The following NTRK2 variants were observed in gnomAD, a reference collection of about 807,000 sequenced individuals.
NTRK2 encodes the protein BDNF/NT-3 growth factors receptor.
NTRK2 carries 13 observed loss-of-function variants against 94.5 expected under a neutral mutation model. The observed-to-expected ratio is 0.14, with a 90% confidence interval of 0.09 to 0.22. The LOEUF (loss-of-function observed/expected upper bound fraction) is 0.22. Ranked by LOEUF, NTRK2 falls within the 10% of genes least tolerant of loss-of-function variation. The pLI is 1.00. For missense variants in NTRK2, 639 were observed against 1,071.2 expected (o/e 0.60, Z 5.63); for synonymous variants, 372 against 407.4 (o/e 0.91, Z 1.05).
chr9:84,946,588 G>T (rs2078606184), intron 15 of NTRK2, among the ~76,000 whole-genome samples: 1 of 152,188 alleles, frequency 6.6e-6, no homozygotes. Context: ...ATGAGGGGTG[G>T]TCAGGGAACA....
At chr9:84,846,917 G>A (rs1217658496) in intron 12 of NTRK2, among the ~76,000 whole-genome samples, 1 of 152,202 alleles carries the variant, frequency 6.6e-6, no homozygotes, top group Non-Finnish European at 1.5e-5. Flanking sequence ...GGGAAAATGA[G>A]AGAAGGCTAA....
chr9:84,802,601 G>A (rs1020699016), intron 12 of NTRK2, among the ~76,000 whole-genome samples: 1 of 152,208 alleles, frequency 6.6e-6, no homozygotes, highest in African/African-American at 2.4e-5. Context: ...GACAGCAGAG[G>A]CTTCTAGAAC....
rs2131374594 is a variant in NTRK2 at position 84,679,311 on chromosome 9, A to G, written c.212+8351A>G. 2.0e-5 allele frequency among the ~76,000 whole-genome samples: 3 copies of G among 152,264 alleles called. No homozygotes were observed. In the South Asian group the frequency reaches 6.2e-4, roughly 32 times the overall value. ...CTTATCCCCTTCTCCTCTGTTCCCA[A>G]ATCACAGACATATATATACAAACAA... is the stretch of plus-strand genomic sequence containing the variant. On this transcript the variant is annotated intron_variant, in intron 2 of 18. Coordinates refer to ENST00000277120, the MANE Select transcript of NTRK2 (RefSeq NM_006180.6).
Position 84,944,192 on chromosome 9 carries a change from TTC to T in NTRK2, c.1765-4247_1765-4246del, listed in dbSNP as rs61035000. ...TGGCGTTTCAAAAAAGAAAAGCTTG[TTC>T]TCTCTCTCTCTCTCTCTCTCTCACA... On this transcript the variant is annotated intron_variant, in intron 15 of 18. Coordinates refer to ENST00000277120, the MANE Select transcript of NTRK2 (RefSeq NM_006180.6). Among the ~76,000 whole-genome samples the T allele has an allele frequency of 8.0e-3, 1,083 of 134,990 alleles. 5 individuals carry two copies. Among genetic ancestry groups the T allele is most frequent in the African/African-American group, 0.015 (545 of 35,606 alleles). 88.6% of individuals were successfully genotyped at this position (134,990 alleles called of 152,430 possible).
intron 2 of NTRK2, among the ~76,000 whole-genome samples, chr9:84,688,283 C>A (rs2059839008): frequency 6.6e-6 from 1 of 152,218 alleles, no homozygotes; most frequent in Non-Finnish European, 1.5e-5. Flanking sequence ...TGCCATGGAC[C>A]AGGCTGATCG....
intron 14 of NTRK2, among the ~76,000 whole-genome samples, chr9:84,870,248 G>A (rs569842075): frequency 7.4e-6 from 1 of 134,604 alleles, no homozygotes; most frequent in Admixed American, 7.5e-5. Flanking sequence ...ATAAGTATAT[G>A]TACACATACC....
intron 15 of NTRK2, among the ~76,000 whole-genome samples, chr9:84,944,209 T>TCACACACA (rs1482521508): frequency 2.0e-3 from 276 of 140,258 alleles, no homozygotes; most frequent in African/African-American, 6.8e-3. Flanking sequence ...TCTCTCTCTC[T>TCACACACA]CTCTCTCACA....
At position 85,024,878 on chromosome 9, in the gene NTRK2, A is replaced by T. The variant is rs2118103097; in HGVS notation, c.*3441A>T. 4.3e-6 allele frequency: 1 copy of T among 233,010 alleles called. No individual in the cohort carries two copies. The highest frequency in any genetic ancestry group is 1.8e-4 in the South Asian group (1 of 5,526). 14.4% of individuals were successfully genotyped at this position (233,010 alleles called of 1,614,324 possible). On this transcript the variant is annotated 3_prime_UTR_variant, in exon 19 of 19. Transcript: ENST00000277120. ...TTCATATTATACATGTGTTCACATCAGCGCTACCTGTGATGTTTTCATGTA... is the reference window on the plus strand; with the variant it reads ...TTCATATTATACATGTGTTCACATCTGCGCTACCTGTGATGTTTTCATGTA...
At chr9:84,754,598 T>C (rs926357641) in intron 12 of NTRK2, among the ~76,000 whole-genome samples, 7 of 152,224 alleles carry the variant, frequency 4.6e-5, no homozygotes, top group African/African-American at 1.7e-4. Flanking sequence ...AAAAACACTA[T>C]TATGCTTCCG....
chr9:84,739,796 C>T (rs1009250603), intron 9 of NTRK2, among the ~76,000 whole-genome samples: 2 of 152,146 alleles, frequency 1.3e-5, no homozygotes, highest in South Asian at 2.1e-4. Context: ...GGAGTGTCCC[C>T]GTTTTAAAAC....
chr9:84,782,055 C>T (rs935113394), intron 12 of NTRK2, among the ~76,000 whole-genome samples: 1 of 151,706 alleles, frequency 6.6e-6, no homozygotes, highest in Admixed American at 6.6e-5. Flanking sequence ...CACACACACA[C>T]ACACACACAC....
Position 84,724,283 on chromosome 9 carries a change from T to C in NTRK2, c.780T>C (p.Ser260=). 1 of 1,614,108 alleles carries C rather than the reference T, an allele frequency of 6.2e-7. No homozygotes were observed. Among genetic ancestry groups the C allele is most frequent in the Non-Finnish European group, 8.5e-7 (1 of 1,179,970 alleles). ...LRITNISSDD[S]GKQISCVAEN... is the part of the protein sequence containing the mutation. ...TAACTAACATTTCATCCGATGACAG[T>C]GGGAAGCAGATCTCTTGTGTGGCGG... Residue 260 remains serine (S), a synonymous_variant, in exon 8 of 19, where the codon AGT becomes AGC. Transcript: ENST00000277120.
chr9:84,757,938 G>A (rs948671498), intron 12 of NTRK2, among the ~76,000 whole-genome samples: 2 of 151,980 alleles, frequency 1.3e-5, no homozygotes, highest in Non-Finnish European at 2.9e-5. Context: ...TTCCAATTTA[G>A]TCTCCCACTA....
chr9:84,725,983 G>A (rs757907842), intron 8 of NTRK2, among the ~76,000 whole-genome samples: 3 of 152,200 alleles, frequency 2.0e-5, no homozygotes, highest in East Asian at 1.9e-4. Flanking sequence ...TCCTTTTATC[G>A]GCTTTGCTTC....
intron 14 of NTRK2, among the ~76,000 whole-genome samples, chr9:84,920,698 C>T (rs570164216): frequency 6.6e-6 from 1 of 152,300 alleles, no homozygotes; most frequent in African/African-American, 2.4e-5. Context: ...AAATCTCATC[C>T]ATTAGGACTT....
At chr9:84,735,510 C>G (rs2063196836) in intron 9 of NTRK2, among the ~76,000 whole-genome samples, 1 of 152,204 alleles carries the variant, frequency 6.6e-6, no homozygotes, top group Non-Finnish European at 1.5e-5. Flanking sequence ...AAGATGACCT[C>G]ACTGACTTTC....
intron 15 of NTRK2, 88 bp from the exon 16 acceptor site, chr9:84,948,374 T>C: frequency 1.5e-6 from 2 of 1,378,536 alleles, no homozygotes; most frequent in Non-Finnish European, 2.0e-6. Flanking sequence ...TTCTCATCTT[T>C]TGCCTAACAA....
intron 2 of NTRK2, among the ~76,000 whole-genome samples, chr9:84,676,459 C>G (rs1035230794): frequency 4.6e-5 from 7 of 152,188 alleles, no homozygotes; most frequent in Non-Finnish European, 8.8e-5. Context: ...TAGTACTGGT[C>G]TGATGAGTCC....
intron 12 of NTRK2, among the ~76,000 whole-genome samples, chr9:84,778,382 G>T (rs555571822): frequency 6.6e-6 from 1 of 152,334 alleles, no homozygotes; most frequent in South Asian, 2.1e-4. Flanking sequence ...GGGCCTGTAG[G>T]TGCAGTCTGA....
Sources: allele counts gnomAD v4.1 joint callset (sites outside exome capture counted in the v4.1 genomes callset), GRCh38; gene constraint gnomAD v4.1.1; transcripts MANE v1.5; gene names NCBI Gene and HGNC (gene_info 2026-07-23, HGNC 2026-07-21).